LCOR: variants seen among roughly 807,000 people sequenced by gnomAD.
LCOR encodes the protein ligand dependent nuclear receptor corepressor, also known as ligand-dependent corepressor.
In LCOR, 14 loss-of-function variants were observed where a neutral mutation model predicts 64.4. The observed-to-expected ratio is 0.22, with a 90% CI of 0.14 to 0.34. The LOEUF (loss-of-function observed/expected upper bound fraction) is 0.34, where lower values mean the gene tolerates loss of function less well. Among genes scored for constraint, LCOR ranks in the 10% least tolerant of loss-of-function variants. LCOR has a pLI of 1.00. For missense variants in LCOR, 1,686 were observed against 1,765.3 expected (o/e 0.96, Z 0.80); for synonymous variants, 643 against 642.5 (o/e 1.00, Z -0.01).
At chr10:96,959,520 G>A (rs1847847623) in intron 7 of LCOR, 1 of 152,118 alleles carries the variant, frequency 6.6e-6, no homozygotes, top group Non-Finnish European at 1.5e-5. Flanking sequence ...AGGATATCTA[G>A]TTGGTATTTT....
intron 2 of LCOR, among the ~76,000 whole-genome samples, chr10:96,856,359 C>A (rs559109510): frequency 6.6e-6 from 1 of 152,116 alleles, no homozygotes; most frequent in Non-Finnish European, 1.5e-5. Context: ...CGGCGCCCAG[C>A]CCTAATGGGC....
chr10:96,877,089 C>G (rs1846180435), intron 2 of LCOR, among the ~76,000 whole-genome samples: 1 of 152,100 alleles, frequency 6.6e-6, no homozygotes, highest in African/African-American at 2.4e-5. Flanking sequence ...TGTGTATTGG[C>G]TAAGTTGAGG....
intron 4 of LCOR, among the ~76,000 whole-genome samples, chr10:96,912,607 TCTTCCTTC>T (rs80278478): frequency 0.012 from 1,714 of 140,394 alleles, 22 homozygotes; most frequent in Middle Eastern, 0.034. Flanking sequence ...TTTCTTCCTT[TCTTCCTTC>T]CTTCCTTCCT....
chr10:96,889,145 A>T (rs1330407683), intron 2 of LCOR, among the ~76,000 whole-genome samples: 1 of 152,250 alleles, frequency 6.6e-6, no homozygotes, highest in African/African-American at 2.4e-5. Flanking sequence ...TACCTATTAC[A>T]TAGTCACTTC....
Position 96,967,724 on chromosome 10 carries a change from T to A in LCOR, c.333-13069T>A, listed in dbSNP as rs193039110. On this transcript the variant is annotated intron_variant, in intron 7 of 7. Coordinates refer to ENST00000421806, the MANE Select transcript of LCOR (RefSeq NM_001346516.2). Reference sequence around the variant, plus strand: ...AACATTTTCTAAAGGAAAAAAAAGATCTGGATATCATGTTTAGATGCCTTT... The same window carrying A: ...AACATTTTCTAAAGGAAAAAAAAGAACTGGATATCATGTTTAGATGCCTTT... 3.5e-4 allele frequency among the ~76,000 whole-genome samples: 54 copies of A among 152,360 alleles called. 1 individual carries two copies. The East Asian group carries it at 0.01, about 28-fold the overall frequency.
rs186552055 is a variant in LCOR, at chr10:96,970,388, C to T, written c.333-10405C>T. On this transcript the variant is annotated intron_variant, in intron 7 of 7. Coordinates refer to ENST00000421806, the MANE Select transcript of LCOR (RefSeq NM_001346516.2). ...CTTCAGCTTGGGCTACAGACTGAGA[C>T]GCCGTCTCAAAAAATAAATAAATAA... Among the ~76,000 whole-genome samples the T allele has an allele frequency of 5.1e-4, 77 of 151,886 alleles. No homozygotes were observed. The East Asian group carries it at 0.012, about 24-fold the overall frequency.
intron 4 of LCOR, among the ~76,000 whole-genome samples, chr10:96,913,376 G>T (rs994576707): frequency 3.9e-5 from 6 of 152,166 alleles, no homozygotes; most frequent in African/African-American, 1.4e-4. Context: ...GGGTCGGGGA[G>T]AGATGGGAAG....
chr10:96,886,194 A>C (rs1454979691), intron 2 of LCOR, among the ~76,000 whole-genome samples: 1 of 152,182 alleles, frequency 6.6e-6, no homozygotes, highest in Non-Finnish European at 1.5e-5. Flanking sequence ...TTTGTCATAC[A>C]TCATTCTAGT....
At chr10:96,917,209 A>T (rs950597135) in intron 4 of LCOR, among the ~76,000 whole-genome samples, 1 of 152,200 alleles carries the variant, frequency 6.6e-6, no homozygotes, top group African/African-American at 2.4e-5. Context: ...GTTCAGTTTT[A>T]TGTGGTCAGA....
intron 2 of LCOR, among the ~76,000 whole-genome samples, chr10:96,874,791 C>T (rs1485197322): frequency 6.6e-6 from 1 of 151,974 alleles, no homozygotes; most frequent in African/African-American, 2.4e-5. Flanking sequence ...GCATGTACCA[C>T]CACGCCCAGC....
intron 4 of LCOR, among the ~76,000 whole-genome samples, chr10:96,916,400 A>G (rs1301126715): frequency 6.6e-6 from 1 of 152,060 alleles, no homozygotes; most frequent in East Asian, 1.9e-4. Context: ...GTATTCTTCA[A>G]CATGTATTTA....
At chr10:96,949,346 G>A (rs1847638822) in intron 6 of LCOR, 51 bp downstream of exon 6, 3 of 1,528,492 alleles carry the variant, frequency 2.0e-6, no homozygotes, top group African/African-American at 1.4e-5. Flanking sequence ...ACTTTACTTT[G>A]GGGAGAAAAA....
chr10:96,930,938 T>C (rs1847249046), intron 4 of LCOR, among the ~76,000 whole-genome samples: 1 of 152,172 alleles, frequency 6.6e-6, no homozygotes, highest in Non-Finnish European at 1.5e-5. Context: ...TATTTATAAA[T>C]GACTTACTCT....
rs1019188040 is a variant in LCOR, at chr10:96,993,759, A to C, written c.*8625A>C. On this transcript the variant is annotated 3_prime_UTR_variant, in exon 8 of 8. Transcript: ENST00000421806. ...TGGTTATGTTATATTATATATATATATTATATATATATATATACAGGTGTA... is the reference window on the plus strand; with the variant it reads ...TGGTTATGTTATATTATATATATATCTTATATATATATATATACAGGTGTA... The C allele has an allele frequency of 6.9e-6, 1 of 145,612 alleles. No individual in the cohort carries two copies. The highest frequency in any genetic ancestry group is 1.5e-5 in the Non-Finnish European group (1 of 67,032). 9.0% of individuals were successfully genotyped at this position (145,612 alleles called of 1,614,324 possible). A position where few individuals can be genotyped will look rare whatever the true frequency, so the allele number is the denominator to read the frequency against.
At chr10:96,939,590 T>C (rs891597110) in intron 4 of LCOR, among the ~76,000 whole-genome samples, 1 of 152,148 alleles carries the variant, frequency 6.6e-6, no homozygotes, top group African/African-American at 2.4e-5. Flanking sequence ...AAATCATATA[T>C]CTAATAATGG....
chr10:96,970,525 C>G (rs972354309), intron 7 of LCOR, among the ~76,000 whole-genome samples: 1 of 152,046 alleles, frequency 6.6e-6, no homozygotes, highest in Non-Finnish European at 1.5e-5. Flanking sequence ...GATTTCTTCT[C>G]TACCTACCAG....
At chr10:96,851,029 T>C (rs1845714082) in intron 2 of LCOR, among the ~76,000 whole-genome samples, 1 of 152,246 alleles carries the variant, frequency 6.6e-6, no homozygotes, top group South Asian at 2.1e-4. Flanking sequence ...CTTGATGTAA[T>C]AGGCAAAAGC....
chr10:96,885,195 G>T (rs1384138702), intron 2 of LCOR, among the ~76,000 whole-genome samples: 1 of 152,144 alleles, frequency 6.6e-6, no homozygotes, highest in African/African-American at 2.4e-5. Flanking sequence ...CGGAAATGCA[G>T]TGCTTTACAG....
chr10:96,849,375 A>C (rs1417623176), intron 2 of LCOR, among the ~76,000 whole-genome samples: 2 of 151,890 alleles, frequency 1.3e-5, no homozygotes, highest in Non-Finnish European at 2.9e-5. Flanking sequence ...GTCCGGCCTA[A>C]TTTTTGTATT....
Sources: allele counts gnomAD v4.1 joint callset (sites outside exome capture counted in the v4.1 genomes callset), GRCh38; gene constraint gnomAD v4.1.1; transcripts MANE v1.5; gene names NCBI Gene and HGNC (gene_info 2026-07-23, HGNC 2026-07-21).